Variants in CADPS2 observed in about 807,000 individuals in gnomAD.
The protein encoded by CADPS2 is calcium-dependent secretion activator 2.
In CADPS2, 93 loss-of-function variants were observed where a neutral mutation model predicts 172.5. That is an observed-to-expected ratio of 0.54 (90% CI 0.46 to 0.64). CADPS2 has a LOEUF of 0.64. CADPS2 is among the 30% of genes least tolerant of loss of function. The pLI is 0.00. For synonymous variants in CADPS2, 546 were observed against 555.2 expected, an observed-to-expected ratio of 0.98 and a Z score of 0.23; for missense variants, 1,420 against 1,565.9, an observed-to-expected ratio of 0.91 and a Z score of 1.57.
rs1585039393 is a variant in CADPS2, at chr7:122,328,670, T to C, written c.3613-3089A>G. 5 of 152,330 alleles carry C rather than the reference T, an allele frequency of 3.3e-5. 1 individual carries two copies. The highest frequency in any genetic ancestry group is 3.3e-4 in the Admixed American group (5 of 15,302). The allele number at this position is 152,330 out of a possible 1,614,324, so 9.4% of individuals were successfully genotyped here. A position where few individuals can be genotyped will look rare whatever the true frequency, so the allele number is the denominator to read the frequency against. On this transcript the variant is annotated intron_variant, in intron 28 of 29. Coordinates refer to ENST00000449022, the MANE Select transcript of CADPS2 (RefSeq NM_017954.11). ...TTCTTTTTGTGGTTCATTCAACTCC[T>C]GTAAGGGCATGCGTTACTCACTGCA...
intron 2 of CADPS2, among the ~76,000 whole-genome samples, chr7:122,673,021 C>T (rs2082020100): frequency 6.6e-6 from 1 of 152,150 alleles, no homozygotes; most frequent in South Asian, 2.1e-4. Flanking sequence ...AAGCTGCAGA[C>T]CTTCGCAGTG....
At chr7:122,371,173 C>T (rs1218894098) in intron 25 of CADPS2, among the ~76,000 whole-genome samples, 2 of 152,136 alleles carry the variant, frequency 1.3e-5, no homozygotes, top group East Asian at 1.9e-4. Context: ...GGAATGCCTA[C>T]AACATATGAA....
intron 25 of CADPS2, among the ~76,000 whole-genome samples, chr7:122,367,139 A>G (rs2041020877): frequency 6.6e-6 from 1 of 152,204 alleles, no homozygotes; most frequent in Non-Finnish European, 1.5e-5. Flanking sequence ...CCAAACAAGT[A>G]AATTGAGTAA....
intron 2 of CADPS2, among the ~76,000 whole-genome samples, chr7:122,707,354 A>T (rs1271871593): frequency 6.6e-6 from 1 of 151,882 alleles, no homozygotes; most frequent in Non-Finnish European, 1.5e-5. Flanking sequence ...GAAGGTTATA[A>T]CTATTATTAA....
chr7:122,555,265 C>A (rs138920671), intron 7 of CADPS2, among the ~76,000 whole-genome samples: 1 of 152,114 alleles, frequency 6.6e-6, no homozygotes, highest in Non-Finnish European at 1.5e-5. Context: ...ATGACTGAAA[C>A]AAAGTAATTA....
At chr7:122,623,042 T>C (rs1036509268) in intron 4 of CADPS2, among the ~76,000 whole-genome samples, 72 of 152,286 alleles carry the variant, frequency 4.7e-4, no homozygotes, top group Admixed American at 1.3e-3. Context: ...AATTTACATA[T>C]AATCAAAATT....
In CADPS2 at chr7:122,418,628, G is replaced by C. The variant is rs185621918; in HGVS notation, c.2477-2464C>G. ...AACAGTGAACTATGGAAAGATGATAGTAGGAATAGAAAAGAAGGGAAAGAT... is the reference window on the plus strand; with the variant it reads ...AACAGTGAACTATGGAAAGATGATACTAGGAATAGAAAAGAAGGGAAAGAT... On this transcript the variant is annotated intron_variant, in intron 17 of 29. Transcript: ENST00000449022. 7.6e-4 allele frequency among the ~76,000 whole-genome samples: 115 copies of C among 152,290 alleles called. 1 individual carries two copies. The highest frequency in any genetic ancestry group is 2.7e-3 in the African/African-American group (111 of 41,558).
chr7:122,325,359 C>T (rs1300109834), intron 29 of CADPS2, 118 bp downstream of exon 29: 2 of 627,686 alleles, frequency 3.2e-6, no homozygotes, highest in East Asian at 5.6e-5. Flanking sequence ...AGTAGCACAT[C>T]ATTGCTAATA....
chr7:122,537,134 A>G (rs909138175), intron 8 of CADPS2, among the ~76,000 whole-genome samples: 2 of 152,084 alleles, frequency 1.3e-5, no homozygotes, highest in South Asian at 2.1e-4. Flanking sequence ...AAGTTTACCT[A>G]TGTAACAAAC....
In CADPS2 at chr7:122,407,599, T is replaced by G. The variant is rs775276661; in HGVS notation, c.2687A>C (p.Gln896Pro). ...AAGAGGAAAACTATCCCAGGAGTCT[T>G]GCGGTTGAGCCTCTAGTGCAGTGTC... ...DMDTALEAQP[Q>P]DSWDSFPLFQ... The change falls in exon 20 of 30, where the codon CAA (glutamine) becomes CCA (proline). Residue 896 changes from glutamine to proline, a missense_variant. Physicochemically the swap from Gln to Pro is moderately conservative, Grantham distance 76. Transcript: ENST00000449022. 1 of 1,612,328 alleles carries G rather than the reference T, an allele frequency of 6.2e-7. No homozygotes were observed. The highest frequency in any genetic ancestry group is 8.5e-7 in the Non-Finnish European group (1 of 1,179,150).
At chr7:122,578,732 T>A (rs2068388789) in intron 7 of CADPS2, among the ~76,000 whole-genome samples, 1 of 152,174 alleles carries the variant, frequency 6.6e-6, no homozygotes, top group Admixed American at 6.6e-5. Context: ...GAATTTTAAA[T>A]AGATCATAGT....
At chr7:122,540,114 C>T (rs1440253571) in intron 8 of CADPS2, among the ~76,000 whole-genome samples, 1 of 151,938 alleles carries the variant, frequency 6.6e-6, no homozygotes, top group Non-Finnish European at 1.5e-5. Context: ...TTTTAAAAGT[C>T]CACTGAATCA....
chr7:122,649,779 A>G (rs1187583588), intron 3 of CADPS2, among the ~76,000 whole-genome samples: 1 of 152,026 alleles, frequency 6.6e-6, no homozygotes, highest in African/African-American at 2.4e-5. Flanking sequence ...AAACTATACA[A>G]TTTTATACAT....
chr7:122,374,066 A>T (rs79262084), intron 25 of CADPS2, among the ~76,000 whole-genome samples: 2,331 of 152,302 alleles, frequency 0.015, 32 homozygotes, highest in Non-Finnish European at 0.024. Context: ...ACCAAATGAG[A>T]TTGATCCCTA....
chr7:122,576,225 G>C (rs1376104328), intron 7 of CADPS2, among the ~76,000 whole-genome samples: 1 of 152,032 alleles, frequency 6.6e-6, no homozygotes, highest in Non-Finnish European at 1.5e-5. Context: ...CTGGGTTTTG[G>C]GGCAAGAATA....
chr7:122,544,279 G>A (rs2063394923), intron 8 of CADPS2, among the ~76,000 whole-genome samples: 1 of 152,090 alleles, frequency 6.6e-6, no homozygotes, highest in East Asian at 1.9e-4. Flanking sequence ...ATAGATCAAT[G>A]TGACATACAT....
At chr7:122,660,606 TA>T (rs34544622) in intron 3 of CADPS2, among the ~76,000 whole-genome samples, 395 of 146,254 alleles carry the variant, frequency 2.7e-3, no homozygotes, top group Non-Finnish European at 3.7e-3. Flanking sequence ...AGTCTGGATT[TA>T]AAAAAAAAAA....
chr7:122,345,049 G>A (rs1486873251), intron 28 of CADPS2, among the ~76,000 whole-genome samples: 2 of 151,740 alleles, frequency 1.3e-5, no homozygotes, highest in East Asian at 1.9e-4. Flanking sequence ...AAGGCACCCC[G>A]CCATCCCCCC....
intron 1 of CADPS2, among the ~76,000 whole-genome samples, chr7:122,809,579 CAAAAAAAA>C (rs34872485): frequency 9.8e-6 from 1 of 101,716 alleles, no homozygotes; most frequent in African/African-American, 3.4e-5. Flanking sequence ...GACACTGTCT[CAAAAAAAA>C]AAAAAAAAGA....
Sources: gnomAD v4.1 joint callset for allele counts (sites outside exome capture counted in the v4.1 genomes callset) on GRCh38, gnomAD v4.1.1 for gene constraint, MANE v1.5 for transcripts, NCBI Gene and HGNC (gene_info 2026-07-23, HGNC 2026-07-21) for gene names.